Variants in DNAJC3 observed in about 807,000 individuals in gnomAD.
DNAJC3 encodes DnaJ heat shock protein family (Hsp40) member C3, also known as dnaJ homolog subfamily C member 3.
Under a neutral mutation model 68.6 loss-of-function variants are expected in DNAJC3, and 38 were observed. The ratio of observed to expected loss-of-function variants is 0.55; its 90% CI spans 0.43 to 0.73. The LOEUF (loss-of-function observed/expected upper bound fraction) is 0.73, where lower values mean the gene tolerates loss of function less well. DNAJC3 is among the 30% of genes least tolerant of loss of function. The probability of loss-of-function intolerance (pLI) is 0.00; values close to 1 mark genes in which losing one functional copy is unlikely to be tolerated. For synonymous variants in DNAJC3, 203 were observed against 204.0 expected (o/e 1.00, Z 0.04); for missense variants, 526 against 591.9 (o/e 0.89, Z 1.16).
At chr13:95,749,019 TCAC>T (rs1243693066) in intron 4 of DNAJC3, among the ~76,000 whole-genome samples, 1 of 152,226 alleles carries the variant, frequency 6.6e-6, no homozygotes, top group Non-Finnish European at 1.5e-5. Context: ...ATACTGTAAT[TCAC>T]CAACTGTAAG....
intron 9 of DNAJC3, among the ~76,000 whole-genome samples, chr13:95,764,375 C>CTCTCTATA (rs1363565634): frequency 1.2e-4 from 15 of 124,034 alleles, no homozygotes; most frequent in African/African-American, 3.6e-4. Context: ...CTCTCTCTCT[C>CTCTCTATA]TATATATATA....
chr13:95,686,617 A>C (rs942922697), intron 1 of DNAJC3, among the ~76,000 whole-genome samples: 2 of 152,150 alleles, frequency 1.3e-5, no homozygotes, highest in African/African-American at 4.8e-5. Flanking sequence ...AGCACCATTT[A>C]TTGAATTAGG....
In DNAJC3 at chr13:95,786,082, A is replaced by G. The variant is rs377394166; in HGVS notation, c.1208+11A>G. ...CTTGGGAGTAAAAAGGTGAATTATTAATTTAAAATTTACTTTGCTATTTTT... is the reference window on the plus strand; with the variant it reads ...CTTGGGAGTAAAAAGGTGAATTATTGATTTAAAATTTACTTTGCTATTTTT... On this transcript the variant is annotated intron_variant, in intron 10 of 11. Transcript: ENST00000602402. The G allele has an allele frequency of 2.6e-5, 41 of 1,585,728 alleles. No homozygotes were observed. In the African/African-American group the frequency reaches 4.9e-4, roughly 19 times the overall value.
intron 9 of DNAJC3, among the ~76,000 whole-genome samples, chr13:95,784,965 A>G (rs1174232942): frequency 1.3e-5 from 2 of 152,186 alleles, no homozygotes; most frequent in African/African-American, 4.8e-5. Context: ...TTAAAAAAAA[A>G]TACTGTGTAA....
At chr13:95,715,644 T>C (rs1163797630) in intron 2 of DNAJC3, among the ~76,000 whole-genome samples, 1 of 151,878 alleles carries the variant, frequency 6.6e-6, no homozygotes, top group East Asian at 2.0e-4. Context: ...TGCGCCACCA[T>C]GCCCAGCTAA....
At chr13:95,790,187 A>G (rs975034858) in intron 11 of DNAJC3, among the ~76,000 whole-genome samples, 3 of 152,156 alleles carry the variant, frequency 2.0e-5, no homozygotes, top group Non-Finnish European at 4.4e-5. Context: ...GCTCATACCT[A>G]TGTCCTGAAT....
chr13:95,730,674 C>T (rs1456871588), intron 4 of DNAJC3, among the ~76,000 whole-genome samples: 3 of 152,112 alleles, frequency 2.0e-5, no homozygotes, highest in African/African-American at 7.2e-5. Flanking sequence ...ATGTATGTGT[C>T]TGGTTTTATA....
At chr13:95,679,199 C>CTTTTTTTTT (rs3086610) in intron 1 of DNAJC3, among the ~76,000 whole-genome samples, 3 of 108,414 alleles carry the variant, frequency 2.8e-5, no homozygotes, top group African/African-American at 1.2e-4. Context: ...AAAATCAGCA[C>CTTTTTTTTT]TTTTTTTTTT....
chr13:95,723,175 ATTTG>A, intron 2 of DNAJC3, 63 bp from the exon 3 acceptor site: 1 of 1,446,910 alleles, frequency 6.9e-7, no homozygotes, highest in South Asian at 1.3e-5. Context: ...TGTCCAGGTG[ATTTG>A]TTTTTTTTTA....
chr13:95,683,881 C>T (rs373893062), intron 1 of DNAJC3, among the ~76,000 whole-genome samples: 6 of 137,472 alleles, frequency 4.4e-5, no homozygotes, highest in African/African-American at 1.1e-4. Context: ...TGAAGTGAGC[C>T]GAGATTGCAC....
Position 95,787,005 on chromosome 13 carries a change from A to T in DNAJC3, c.1209-2A>T. The T allele has an allele frequency of 6.2e-7, 1 of 1,605,084 alleles. No individual in the cohort carries two copies. The highest frequency in any genetic ancestry group is 8.5e-7 in the Non-Finnish European group (1 of 1,177,722). On this transcript the variant is annotated splice_acceptor_variant, in intron 10 of 11. Coordinates refer to ENST00000602402, the MANE Select transcript of DNAJC3 (RefSeq NM_006260.5). LOFTEE classifies it high-confidence loss of function. ...ATGATTATTTATTTTACCACCCCTC[A>T]GAAATGCCAAAAAGCAAGAAATTAT...
chr13:95,783,337 C>T (rs1372684749), intron 9 of DNAJC3, among the ~76,000 whole-genome samples: 5 of 152,146 alleles, frequency 3.3e-5, no homozygotes, highest in African/African-American at 4.8e-5. Flanking sequence ...AAATACGATA[C>T]AAAAGACTGC....
At chr13:95,706,084 G>A (rs1348012871) in intron 1 of DNAJC3, among the ~76,000 whole-genome samples, 1 of 152,214 alleles carries the variant, frequency 6.6e-6, no homozygotes, top group African/African-American at 2.4e-5. Flanking sequence ...AGCCAATCAA[G>A]TAAGCTGTTA....
chr13:95,790,927 A>G lies in DNAJC3; in HGVS notation c.1412A>G (p.Gln471Arg). 6.2e-7 allele frequency: 1 copy of G among 1,609,058 alleles called. No individual in the cohort carries two copies. ...GEDPLDAESQ[Q>R]GGGGNPFHRS... is the part of the protein sequence containing the mutation. Reference sequence around the variant, plus strand: ...GATCCTTTGGATGCAGAGAGCCAGCAAGGAGGCGGCGGCAACCCTTTCCAC... The same window carrying G: ...GATCCTTTGGATGCAGAGAGCCAGCGAGGAGGCGGCGGCAACCCTTTCCAC... The change falls in exon 12 of 12, where the codon CAA (glutamine) becomes CGA (arginine). Residue 471 changes from glutamine (Q) to arginine (R), a missense_variant. Coordinates refer to ENST00000602402, the MANE Select transcript of DNAJC3 (RefSeq NM_006260.5).
chr13:95,688,910 G>A (rs145544541), intron 1 of DNAJC3, among the ~76,000 whole-genome samples: 35 of 148,884 alleles, frequency 2.4e-4, no homozygotes, highest in Middle Eastern at 3.4e-3. Flanking sequence ...CAGAGACAAA[G>A]CCCATTTGAT....
chr13:95,786,383 G>C (rs1347062753), intron 10 of DNAJC3, among the ~76,000 whole-genome samples: 1 of 152,168 alleles, frequency 6.6e-6, no homozygotes, highest in Non-Finnish European at 1.5e-5. Flanking sequence ...TTTTGGTGGG[G>C]ATGGAGGAGG....
At chr13:95,751,157 C>T (rs563369975) in intron 4 of DNAJC3, among the ~76,000 whole-genome samples, 18 of 152,174 alleles carry the variant, frequency 1.2e-4, no homozygotes, top group Non-Finnish European at 2.4e-4. Context: ...ATCACTTGAA[C>T]CCAGGGCTCT....
intron 9 of DNAJC3, among the ~76,000 whole-genome samples, chr13:95,780,239 GGT>G (rs1348400532): frequency 6.6e-6 from 1 of 152,102 alleles, no homozygotes; most frequent in Non-Finnish European, 1.5e-5. Flanking sequence ...ACACCAAAGG[GGT>G]GTGTGTTTTG....
At chr13:95,761,644 T>A (rs1594012321) in intron 7 of DNAJC3, among the ~76,000 whole-genome samples, 1 of 152,306 alleles carries the variant, frequency 6.6e-6, no homozygotes, top group South Asian at 2.1e-4. Context: ...TAGCCACACC[T>A]ACTTCCCTCT....
Sources: gnomAD v4.1 joint callset for allele counts (sites outside exome capture counted in the v4.1 genomes callset) on GRCh38, gnomAD v4.1.1 for gene constraint, MANE v1.5 for transcripts, NCBI Gene and HGNC (gene_info 2026-07-23, HGNC 2026-07-21) for gene names.